HPSE2: variants seen among roughly 807,000 people sequenced by gnomAD.
HPSE2 encodes the protein heparanase 2 (inactive), also known as inactive heparanase-2.
Under a neutral mutation model 60.5 loss-of-function variants are expected in HPSE2, and 38 were observed. That is an observed-to-expected ratio of 0.63 (90% confidence interval 0.48 to 0.82). The LOEUF (loss-of-function observed/expected upper bound fraction) is 0.82. Among genes scored for constraint, HPSE2 ranks in the 40% least tolerant of loss-of-function variants. HPSE2 has a pLI of 0.00. For synonymous variants in HPSE2, 295 were observed against 293.2 expected, an observed-to-expected ratio of 1.01 and a Z score of -0.06; for missense variants, 713 against 740.4, an observed-to-expected ratio of 0.96 and a Z score of 0.43.
upstream of HPSE2, chr10:99,235,870 G>T: frequency 7.2e-7 from 1 of 1,380,598 alleles, no homozygotes; most frequent in Non-Finnish European, 1.0e-6. Context: ...CTTATCTAAA[G>T]TGTGTGTCTG....
chr10:98,763,764 C>A (rs1465809745), intron 3 of HPSE2, among the ~76,000 whole-genome samples: 1 of 146,838 alleles, frequency 6.8e-6, no homozygotes, highest in Non-Finnish European at 1.5e-5. Flanking sequence ...AAAGGTGTTA[C>A]AAAGACATTT....
chr10:99,192,751 T>C (rs1848264551), intron 2 of HPSE2, among the ~76,000 whole-genome samples: 2 of 152,140 alleles, frequency 1.3e-5, no homozygotes, highest in Non-Finnish European at 1.5e-5. Flanking sequence ...TTTAAAGTGC[T>C]AAAGAAAAAA....
the HPSE2 span, among the ~76,000 whole-genome samples, chr10:99,313,323 T>G: frequency 6.6e-6 from 1 of 151,886 alleles, no homozygotes; most frequent in African/African-American, 2.4e-5. Flanking sequence ...TCAGTGGAGG[T>G]TCCCATCACT....
rs967833465 is a variant in HPSE2, at chr10:98,458,535, T to C, written c.*1039A>G. On this transcript the variant is annotated 3_prime_UTR_variant, in exon 12 of 12. Coordinates refer to ENST00000370552, the MANE Select transcript of HPSE2 (RefSeq NM_021828.5). ...GCTACTTGGGAAGAGGCAAAAAGGTTAGATTCAGTTGTGTCTTCCAGTGAT... is the reference window on the plus strand; with the variant it reads ...GCTACTTGGGAAGAGGCAAAAAGGTCAGATTCAGTTGTGTCTTCCAGTGAT... 4.6e-5 allele frequency: 7 copies of C among 152,248 alleles called. No individual in the cohort carries two copies. Among genetic ancestry groups the C allele is most frequent in the Non-Finnish European group, 7.3e-5 (5 of 68,040 alleles). 9.4% of individuals were successfully genotyped at this position (152,248 alleles called of 1,614,324 possible).
chr10:99,216,736 C>G (rs890314988), intron 2 of HPSE2, among the ~76,000 whole-genome samples: 1 of 152,170 alleles, frequency 6.6e-6, no homozygotes, highest in Non-Finnish European at 1.5e-5. Context: ...CCTATAAGGA[C>G]AGCATATTGC....
intron 2 of HPSE2, among the ~76,000 whole-genome samples, chr10:99,219,354 C>T (rs1000025684): frequency 4.6e-5 from 7 of 152,148 alleles, no homozygotes; most frequent in Admixed American, 2.0e-4. Context: ...TCTACAGCCT[C>T]TTCAGGAGTC....
chr10:98,924,013 T>C (rs1954369927), intron 3 of HPSE2, among the ~76,000 whole-genome samples: 1 of 152,188 alleles, frequency 6.6e-6, no homozygotes, highest in Non-Finnish European at 1.5e-5. Flanking sequence ...TATTGTGGTC[T>C]TCACAGTCTG....
intron 11 of HPSE2, among the ~76,000 whole-genome samples, chr10:98,461,437 G>A (rs994770057): frequency 6.6e-6 from 1 of 152,186 alleles, no homozygotes; most frequent in African/African-American, 2.4e-5. Flanking sequence ...AGTGTTGACC[G>A]CATCAGATAT....
intron 9 of HPSE2, among the ~76,000 whole-genome samples, chr10:98,568,571 G>A (rs1447553261): frequency 6.6e-6 from 1 of 152,184 alleles, no homozygotes; most frequent in Admixed American, 6.5e-5. Flanking sequence ...AGGTTACTGG[G>A]GCTTCTGGAA....
In HPSE2 at chr10:99,208,244, TA is replaced by T. The variant is rs1390750343; in HGVS notation, c.448+24103del. 4.6e-5 allele frequency among the ~76,000 whole-genome samples: 7 copies of T among 151,636 alleles called. 1 individual carries two copies. The highest frequency in any genetic ancestry group is 4.2e-4 in the South Asian group (2 of 4,810). Reference sequence around the variant, plus strand: ...AAAACGAATCAAAGCAAAATACTATTAAAAAAATCACCTAATCAGAAATGAA... The same window carrying T: ...AAAACGAATCAAAGCAAAATACTATTAAAAAATCACCTAATCAGAAATGAA... On this transcript the variant is annotated intron_variant, in intron 2 of 11. Coordinates refer to ENST00000370552, the MANE Select transcript of HPSE2 (RefSeq NM_021828.5).
At chr10:98,951,251 A>G (rs1955348932) in intron 3 of HPSE2, among the ~76,000 whole-genome samples, 1 of 152,172 alleles carries the variant, frequency 6.6e-6, no homozygotes, top group South Asian at 2.1e-4. Flanking sequence ...TCCAACTAAT[A>G]ATAGAAGCAA....
Position 98,549,448 on chromosome 10 carries a change from T to C in HPSE2, c.1321-59252A>G, listed in dbSNP as rs184025545. ...CCTTCAGAAGTTCACTCTAATTCTC[T>C]ACATCTTATATCTTGACTTATTTCC... On this transcript the variant is annotated intron_variant, in intron 9 of 11. Transcript: ENST00000370552. Among the ~76,000 whole-genome samples the C allele has an allele frequency of 5.6e-4, 85 of 152,328 alleles. 1 individual carries two copies. In the South Asian group the frequency reaches 8.5e-3, roughly 15 times the overall value.
At chr10:98,655,141 T>C (rs1947024510) in intron 6 of HPSE2, among the ~76,000 whole-genome samples, 1 of 152,154 alleles carries the variant, frequency 6.6e-6, no homozygotes, top group Non-Finnish European at 1.5e-5. Flanking sequence ...GTAGCATAGC[T>C]TTCCCCCTGT....
At chr10:99,145,368 A>T (rs1469014740) in intron 2 of HPSE2, among the ~76,000 whole-genome samples, 1 of 108,708 alleles carries the variant, frequency 9.2e-6, no homozygotes, top group East Asian at 3.4e-4. Flanking sequence ...GAGGCAGGAG[A>T]ATCACTTGAA....
intron 3 of HPSE2, among the ~76,000 whole-genome samples, chr10:98,943,294 GAGA>G (rs1257086125): frequency 1.3e-5 from 2 of 151,688 alleles, no homozygotes; most frequent in African/African-American, 4.8e-5. Context: ...AATTATCTGT[GAGA>G]AGAATAAAGG....
chr10:98,722,263 G>A (rs1948945956), intron 4 of HPSE2, among the ~76,000 whole-genome samples: 1 of 149,876 alleles, frequency 6.7e-6, no homozygotes, highest in Admixed American at 6.8e-5. Flanking sequence ...CTTTATAAGA[G>A]AAAGGAGAAG....
At chr10:99,195,403 G>A (rs1848360910) in intron 2 of HPSE2, among the ~76,000 whole-genome samples, 1 of 149,418 alleles carries the variant, frequency 6.7e-6, no homozygotes. Context: ...CTCAAAATTT[G>A]GAAAAAAAAA....
At chr10:98,792,229 C>G (rs758653881) in intron 3 of HPSE2, among the ~76,000 whole-genome samples, 11 of 151,794 alleles carry the variant, frequency 7.2e-5, no homozygotes, top group Non-Finnish European at 1.6e-4. Flanking sequence ...GCCAATAAAT[C>G]TAATCTGTAC....
chr10:99,248,942 C>A, the HPSE2 span, among the ~76,000 whole-genome samples: 1 of 152,208 alleles, frequency 6.6e-6, no homozygotes, highest in Non-Finnish European at 1.5e-5. Context: ...CCTCCGGATG[C>A]TCAGAGGGCA....
Sources: allele counts gnomAD v4.1 joint callset (sites outside exome capture counted in the v4.1 genomes callset), GRCh38; gene constraint gnomAD v4.1.1; transcripts MANE v1.5; gene names NCBI Gene and HGNC (gene_info 2026-07-23, HGNC 2026-07-21).